Variants in PDIA3 observed in about 807,000 individuals in gnomAD.
PDIA3 encodes the protein protein disulfide isomerase family A member 3.
Under a neutral mutation model 56.9 loss-of-function variants are expected in PDIA3, and 16 were observed. That is an observed-to-expected ratio of 0.28 (90% confidence interval 0.19 to 0.43). The LOEUF is 0.43. PDIA3 is among the 20% of genes least tolerant of loss of function. PDIA3 has a pLI of 1.00. For missense variants in PDIA3, 485 were observed against 621.3 expected (o/e 0.78, Z 2.33); for synonymous variants, 192 against 216.5 (o/e 0.89, Z 0.99).
intron 3 of PDIA3, among the ~76,000 whole-genome samples, chr15:43,759,826 C>T (rs2086802879): frequency 6.6e-6 from 1 of 152,132 alleles, no homozygotes; most frequent in African/African-American, 2.4e-5. Context: ...TGGCTCACGC[C>T]TGTAATCCCA....
chr15:43,761,514 A>G lies in PDIA3; in HGVS notation c.455A>G (p.Lys152Arg), dbSNP rs1054408341. 20 of 1,547,498 alleles carry G rather than the reference A, an allele frequency of 1.3e-5. No individual in the cohort carries two copies. The African/African-American group carries it at 2.5e-4, about 19-fold the overall frequency. The change falls in exon 4 of 13, where the codon AAA becomes AGA. Residue 152 changes from lysine to arginine, a missense_variant. Physicochemically the swap from Lys to Arg is conservative, Grantham distance 26. Transcript: ENST00000300289. ...GAATTTAAGAAATTCATTAGTGATA[A>G]AGATGCCTCTATAGTAGGTAAGTAG... ...EEEFKKFISD[K>R]DASIVGFFDD...
intron 11 of PDIA3, 50 bp from the exon 12 acceptor site, chr15:43,770,473 A>C: frequency 7.0e-7 from 1 of 1,430,366 alleles, no homozygotes; most frequent in African/African-American, 1.4e-5. Context: ...AGAGTTCTGC[A>C]GTATGGGCCC....
chr15:43,752,831 C>T (rs1414498821), intron 1 of PDIA3: 1 of 471,104 alleles, frequency 2.1e-6, no homozygotes, highest in East Asian at 6.9e-5. Flanking sequence ...CAACGTGATC[C>T]CTCTGCAACC....
At chr15:43,750,132 G>C (rs1308349725) in intron 1 of PDIA3, among the ~76,000 whole-genome samples, 2 of 146,826 alleles carry the variant, frequency 1.4e-5, no homozygotes, top group East Asian at 2.1e-4. Context: ...GCAGTGGCGC[G>C]ATCCCGGCTC....
chr15:43,753,173 G>A (rs1423101344), intron 1 of PDIA3, among the ~76,000 whole-genome samples: 1 of 150,322 alleles, frequency 6.7e-6, no homozygotes, highest in Non-Finnish European at 1.5e-5. Context: ...CACCTCCCAG[G>A]TTCAAGCAAT....
At chr15:43,755,999 A>G (rs117111330) in intron 2 of PDIA3, among the ~76,000 whole-genome samples, 103 of 152,252 alleles carry the variant, frequency 6.8e-4, no homozygotes, top group Non-Finnish European at 1.3e-3. Context: ...TAGTTTACCC[A>G]TCTTAGAGCA....
intron 4 of PDIA3, 31 bp from the exon 5 acceptor site, chr15:43,763,046 T>C (rs775206779): frequency 5.6e-6 from 9 of 1,607,270 alleles, no homozygotes; most frequent in South Asian, 5.5e-5. Context: ...CACTTATTGC[T>C]TCTTCCTTGT....
intron 8 of PDIA3, 115 bp from the exon 9 acceptor site, chr15:43,768,374 C>A: frequency 1.5e-6 from 1 of 655,864 alleles, no homozygotes; most frequent in Non-Finnish European, 2.8e-6. Flanking sequence ...GATGAGAGTC[C>A]CCCTTTTTTA....
At chr15:43,761,731 TG>T (rs1418922353) in intron 4 of PDIA3, among the ~76,000 whole-genome samples, 200 bp downstream of exon 4, 3 of 151,998 alleles carry the variant, frequency 2.0e-5, no homozygotes, top group Non-Finnish European at 2.9e-5. Flanking sequence ...AATTATAATG[TG>T]GGGGGCAATT....
chr15:43,771,666 A>G lies in PDIA3; in HGVS notation c.*448A>G. 2.5e-6 allele frequency: 1 copy of G among 398,998 alleles called. No homozygotes were observed. The highest frequency in any genetic ancestry group is 4.4e-6 in the Non-Finnish European group (1 of 226,408). 24.7% of individuals were successfully genotyped at this position (398,998 alleles called of 1,614,324 possible). ...TGTTCAGTACAGGTAGCTACGGAGC[A>G]TCTGAAATATGGCTAGAAACTACAT... On this transcript the variant is annotated 3_prime_UTR_variant, in exon 13 of 13. Coordinates refer to ENST00000300289, the MANE Select transcript of PDIA3 (RefSeq NM_005313.5).
chr15:43,754,729 G>T (rs2086766362), intron 2 of PDIA3, among the ~76,000 whole-genome samples: 1 of 147,850 alleles, frequency 6.8e-6, no homozygotes, highest in Admixed American at 6.8e-5. Context: ...AAAAAAAAAA[G>T]TGTAATCCCA....
intron 6 of PDIA3, 70 bp downstream of exon 6, chr15:43,765,636 G>T: frequency 9.5e-7 from 1 of 1,047,132 alleles, no homozygotes. Context: ...CAGTTATTAA[G>T]CCGAGCTATA....
At chr15:43,768,687 T>C in intron 9 of PDIA3, 90 bp downstream of exon 9, 2 of 839,850 alleles carry the variant, frequency 2.4e-6, no homozygotes, top group South Asian at 3.1e-5. Flanking sequence ...GAAGACTTCG[T>C]TGGCCATCTC....
Position 43,756,632 on chromosome 15 carries a change from T to G in PDIA3, c.247-17T>G. ...GAAACTTGGATAAGAAAATAGTTTG[T>G]GTATTTTGATCTTTAGGTTGATTGC... On this transcript the variant is annotated splice_polypyrimidine_tract_variant and intron_variant, in intron 2 of 12. Coordinates refer to ENST00000300289, the MANE Select transcript of PDIA3 (RefSeq NM_005313.5). 1 of 1,347,666 alleles carries G rather than the reference T, an allele frequency of 7.4e-7. No individual in the cohort carries two copies. The highest frequency in any genetic ancestry group is 1.2e-5 in the South Asian group (1 of 85,462). 83.5% of individuals were successfully genotyped at this position (1,347,666 alleles called of 1,614,324 possible). A position where few individuals can be genotyped will look rare whatever the true frequency, so the allele number is the denominator to read the frequency against.
chr15:43,765,427 G>A (rs1422042914), intron 5 of PDIA3, 23 bp from the exon 6 acceptor site: 1 of 1,325,108 alleles, frequency 7.5e-7, no homozygotes, highest in Non-Finnish European at 1.1e-6. Context: ...TGCCTACTGA[G>A]ACTTTTCTTT....
In PDIA3 at chr15:43,770,583, A is replaced by G. The variant is rs912521040; in HGVS notation, c.1404+3A>G. The G allele has an allele frequency of 1.3e-6, 2 of 1,598,730 alleles. No homozygotes were observed. The highest frequency in any genetic ancestry group is 2.7e-5 in the African/African-American group (2 of 74,634). On this transcript the variant is annotated splice_donor_region_variant and intron_variant, in intron 12 of 12. Transcript: ENST00000300289. ...AGCTAAATCCAAAGAAATATGAAGT[A>G]AGTGAATTGTCCCATATCCCCACAA...
intron 3 of PDIA3, among the ~76,000 whole-genome samples, chr15:43,757,830 C>T (rs574651156): frequency 5.9e-5 from 9 of 151,526 alleles, no homozygotes; most frequent in African/African-American, 2.2e-4. Flanking sequence ...TCACAGCACT[C>T]CAGCCTGGGC....
At chr15:43,769,831 C>G (rs2141657977) in intron 10 of PDIA3, among the ~76,000 whole-genome samples, 185 bp downstream of exon 10, 1 of 152,242 alleles carries the variant, frequency 6.6e-6, no homozygotes, top group Non-Finnish European at 1.5e-5. Flanking sequence ...CCTGAGATAC[C>G]CACTTTTAAC....
At chr15:43,771,055 TC>T in intron 12 of PDIA3, 49 bp from the exon 13 acceptor site, 1 of 1,256,582 alleles carries the variant, frequency 8.0e-7, no homozygotes, top group African/African-American at 1.5e-5. Context: ...GTGGGGCAGA[TC>T]AGGGTTCTTT....
Sources: gnomAD v4.1 joint callset for allele counts (sites outside exome capture counted in the v4.1 genomes callset) on GRCh38, gnomAD v4.1.1 for gene constraint, MANE v1.5 for transcripts, NCBI Gene and HGNC (gene_info 2026-07-23, HGNC 2026-07-21) for gene names.